The following CTNND2 variants were observed in gnomAD, a reference collection of about 807,000 sequenced individuals.
CTNND2 encodes catenin delta-2.
A neutral mutation model predicts 144.4 loss-of-function variants in CTNND2; 22 were observed. That is an observed-to-expected ratio of 0.15 (90% CI 0.11 to 0.22). The LOEUF (loss-of-function observed/expected upper bound fraction) is 0.22, where lower values mean the gene tolerates loss of function less well. CTNND2 is among the 10% of genes least tolerant of loss of function. The pLI, the probability that CTNND2 is intolerant of heterozygous loss-of-function variation, is 1.00. For missense variants in CTNND2, 1,353 were observed against 1,618.8 expected (o/e 0.84, Z 2.82); for synonymous variants, 751 against 695.6 (o/e 1.08, Z -1.25).
chr5:11,312,462 A>C (rs1176339975), intron 9 of CTNND2, among the ~76,000 whole-genome samples: 1 of 152,022 alleles, frequency 6.6e-6, no homozygotes, highest in African/African-American at 2.4e-5. Flanking sequence ...GAAGAAGCAA[A>C]AGCAGAAACC....
At chr5:11,127,151 C>A (rs923463352) in intron 12 of CTNND2, among the ~76,000 whole-genome samples, 1 of 152,226 alleles carries the variant, frequency 6.6e-6, no homozygotes, top group Admixed American at 6.5e-5. Context: ...CTAAGCCTGG[C>A]ATCCTCAGCC....
rs377217695 is a variant in CTNND2, at chr5:11,111,041, G to C, written c.2280C>G (p.Thr760=). ...TTAAAATGCACACACAGTTTTCAAC[G>C]GTCTGCAGAAAAGGGGGAAACAGAG... ...ALGSSEIDSK[T]VENCVCILRN... is the part of the protein sequence containing the mutation. The change falls in exon 14 of 22, where the codon ACC becomes ACG. Residue 760 remains threonine, a splice_region_variant and synonymous_variant. Coordinates refer to ENST00000304623, the MANE Select transcript of CTNND2 (RefSeq NM_001332.4). 6.2e-7 allele frequency: 1 copy of C among 1,611,512 alleles called. No homozygotes were observed. The highest frequency in any genetic ancestry group is 8.5e-7 in the Non-Finnish European group (1 of 1,178,024).
At chr5:11,446,122 C>T (rs910720306) in intron 3 of CTNND2, among the ~76,000 whole-genome samples, 1 of 152,128 alleles carries the variant, frequency 6.6e-6, no homozygotes, top group South Asian at 2.1e-4. Flanking sequence ...CAGGTGTGCA[C>T]CACCAAACAC....
chr5:11,356,968 A>G (rs1755952341), intron 8 of CTNND2, among the ~76,000 whole-genome samples: 1 of 152,186 alleles, frequency 6.6e-6, no homozygotes, highest in Non-Finnish European at 1.5e-5. Context: ...TGTGAATCAA[A>G]ACCACAGTGA....
chr5:11,083,824 A>G lies in CTNND2; in HGVS notation c.2638-978T>C, dbSNP rs59657279. On this transcript the variant is annotated intron_variant, in intron 15 of 21. Transcript: ENST00000304623. ...TCCTTTCCCACCCAGTCCCCCCACC[A>G]GGCCACCTCCACCCCCCTTCCCCCA... is the stretch of plus-strand genomic sequence containing the variant. 0.014 allele frequency: 9,821 copies of G among 716,402 alleles called. 374 individuals are homozygous for G. The East Asian group carries it at 0.23, about 17-fold the overall frequency. 44.4% of individuals were successfully genotyped at this position (716,402 alleles called of 1,614,324 possible). A position where few individuals can be genotyped will look rare whatever the true frequency, so the allele number is the denominator to read the frequency against.
At chr5:11,680,744 G>A (rs1784390057) in intron 2 of CTNND2, among the ~76,000 whole-genome samples, 1 of 152,188 alleles carries the variant, frequency 6.6e-6, no homozygotes, top group African/African-American at 2.4e-5. Context: ...GCAGCAGGTG[G>A]ACTGCAGAGG....
At chr5:11,460,288 G>C (rs1232295281) in intron 3 of CTNND2, among the ~76,000 whole-genome samples, 1 of 152,180 alleles carries the variant, frequency 6.6e-6, no homozygotes, top group Non-Finnish European at 1.5e-5. Flanking sequence ...CAAGAACAAA[G>C]AGAAAACAGA....
chr5:10,990,288 G>T (rs1473478890), intron 19 of CTNND2, among the ~76,000 whole-genome samples: 1 of 152,170 alleles, frequency 6.6e-6, no homozygotes, highest in African/African-American at 2.4e-5. Context: ...AGATGTGAGG[G>T]GCAGCCACTG....
At position 11,346,784 on chromosome 5, in the gene CTNND2, T is replaced by C. The variant is rs925324553; in HGVS notation, c.1373-157A>G. The stretch of plus-strand genomic sequence containing the variant: ...ATCCATCATATTTGAACCAATACAT[T>C]CAATGTTATCCAGTCAAATGATAAT... On this transcript the variant is annotated intron_variant, in intron 8 of 21. Transcript: ENST00000304623. Among the ~76,000 whole-genome samples, 3 of 152,150 alleles carry C rather than the reference T, an allele frequency of 2.0e-5. No individual in the cohort carries two copies. The South Asian group carries it at 6.2e-4, about 31-fold the overall frequency.
At chr5:11,338,694 C>T (rs1358803927) in intron 9 of CTNND2, among the ~76,000 whole-genome samples, 1 of 152,042 alleles carries the variant, frequency 6.6e-6, no homozygotes, top group African/African-American at 2.4e-5. Flanking sequence ...ATTTAGGTAG[C>T]ATTAGAAATG....
chr5:11,192,379 C>G (rs2149816227), intron 11 of CTNND2, among the ~76,000 whole-genome samples: 1 of 152,314 alleles, frequency 6.6e-6, no homozygotes, highest in South Asian at 2.1e-4. Flanking sequence ...AATAATCATT[C>G]TCCAAAGGTG....
chr5:11,404,172 C>T (rs1760875772), intron 5 of CTNND2, among the ~76,000 whole-genome samples: 2 of 152,086 alleles, frequency 1.3e-5, no homozygotes, highest in South Asian at 2.1e-4. Flanking sequence ...CAAAAACATT[C>T]GTGTGAGAAA....
rs185947657 is a variant in CTNND2, at chr5:11,581,474, G to A, written c.175-16418C>T. 9.2e-5 allele frequency among the ~76,000 whole-genome samples: 14 copies of A among 152,238 alleles called. No individual in the cohort carries two copies. In the East Asian group the frequency reaches 2.3e-3, roughly 25 times the overall value. ...GGTTGATAGTGATCCATTAAACAGCGTATCCAAAGGGATATATAAACATAT... is the reference window on the plus strand; with the variant it reads ...GGTTGATAGTGATCCATTAAACAGCATATCCAAAGGGATATATAAACATAT... On this transcript the variant is annotated intron_variant, in intron 2 of 21. Transcript: ENST00000304623.
At chr5:11,180,425 A>G (rs1311197708) in intron 11 of CTNND2, among the ~76,000 whole-genome samples, 3 of 152,204 alleles carry the variant, frequency 2.0e-5, no homozygotes, top group African/African-American at 7.2e-5. Flanking sequence ...GTAATATGTT[A>G]TTTTGGAAGC....
At chr5:11,308,288 A>G (rs1002191861) in intron 9 of CTNND2, among the ~76,000 whole-genome samples, 4 of 151,914 alleles carry the variant, frequency 2.6e-5, no homozygotes, top group Admixed American at 2.0e-4. Context: ...TGTATCACAT[A>G]GTGATTTAGA....
intron 3 of CTNND2, among the ~76,000 whole-genome samples, chr5:11,451,124 G>A (rs1006830998): frequency 6.6e-6 from 1 of 151,472 alleles, no homozygotes; most frequent in Admixed American, 6.6e-5. Flanking sequence ...CACAACCAAA[G>A]GTATATATAT....
intron 1 of CTNND2, among the ~76,000 whole-genome samples, chr5:11,853,148 T>G (rs1480464246): frequency 6.6e-6 from 1 of 152,146 alleles, no homozygotes; most frequent in Admixed American, 6.5e-5. Flanking sequence ...AAACTCACTC[T>G]TTTTCCCTCA....
chr5:11,291,298 G>C (rs1340588605), intron 9 of CTNND2, among the ~76,000 whole-genome samples: 1 of 151,862 alleles, frequency 6.6e-6, no homozygotes, highest in South Asian at 2.1e-4. Context: ...ATCATTCTAG[G>C]CTAGAAAACT....
intron 12 of CTNND2, among the ~76,000 whole-genome samples, chr5:11,144,654 T>A (rs1316340438): frequency 1.3e-5 from 2 of 152,102 alleles, no homozygotes; most frequent in Non-Finnish European, 2.9e-5. Context: ...ACAACAGGTA[T>A]CCTTTGAGTT....
Sources: allele counts gnomAD v4.1 joint callset (sites outside exome capture counted in the v4.1 genomes callset), GRCh38; gene constraint gnomAD v4.1.1; transcripts MANE v1.5; gene names NCBI Gene and HGNC (gene_info 2026-07-23, HGNC 2026-07-21).